The following RGS5 variants were observed in gnomAD, a reference collection of about 807,000 sequenced individuals.
The protein encoded by RGS5 is regulator of G protein signaling 5.
RGS5 carries 20 observed loss-of-function variants against 18.9 expected under a neutral mutation model. The observed-to-expected ratio is 1.06, with a 90% CI of 0.74 to 1.54. The LOEUF is 1.54. Ranked by LOEUF, RGS5 falls within the 40% of genes most tolerant of loss-of-function variation. The pLI is 0.00. For missense variants in RGS5, 201 were observed against 211.8 expected (o/e 0.95, Z 0.32); for synonymous variants, 57 against 76.2 (o/e 0.75, Z 1.31).
chr1:163,209,721 A>G (rs930037016), intron 1 of RGS5, among the ~76,000 whole-genome samples: 3 of 152,144 alleles, frequency 2.0e-5, no homozygotes, highest in Non-Finnish European at 4.4e-5. Context: ...GAATTATATT[A>G]TTGTTCAAGT....
At position 163,143,510 on chromosome 1, in the gene RGS5, C is replaced by T. The variant is rs1420476676; in HGVS notation, c.*3832G>A. ...TTTTACATCTAGCTGCATTGCAAGT[C>T]AGAAAATACCTTCCTGCAAATATGG... On this transcript the variant is annotated 3_prime_UTR_variant, in exon 5 of 5. Transcript: ENST00000313961. 3.9e-5 allele frequency: 6 copies of T among 152,140 alleles called. No individual in the cohort carries two copies. Among genetic ancestry groups the T allele is most frequent in the African/African-American group, 1.4e-4 (6 of 41,442 alleles). 9.4% of individuals were successfully genotyped at this position (152,140 alleles called of 1,614,324 possible).
At position 163,165,119 on chromosome 1, in the gene RGS5, T is replaced by C. The variant is rs544293244; in HGVS notation, c.155+3139A>G. Among the ~76,000 whole-genome samples the C allele has an allele frequency of 2.3e-4, 35 of 152,304 alleles. 1 individual carries two copies. The highest frequency in any genetic ancestry group is 3.4e-3 in the Middle Eastern group (1 of 294). On this transcript the variant is annotated intron_variant, in intron 2 of 4. Coordinates refer to ENST00000313961, the MANE Select transcript of RGS5 (RefSeq NM_003617.4). The stretch of plus-strand genomic sequence containing the variant: ...TAAGAACAAGCAAAACATGTCATTT[T>C]TTGACATCCATATGCGGGCCTGAAA...
intron 1 of RGS5, among the ~76,000 whole-genome samples, chr1:163,192,006 G>A (rs1659377506): frequency 1.3e-5 from 2 of 152,150 alleles, no homozygotes; most frequent in Admixed American, 1.3e-4. Flanking sequence ...TGGTGTGCCT[G>A]AAGAAGTCAC....
rs898828976 is a variant in RGS5, at chr1:163,306,891, A to C, written c.-377-562T>G. ...TCCTCACAGCCCTCAGAAGGCATCA[A>C]CCTTGCTGATATCTTAATCTAGTAC... On this transcript the variant is annotated intron_variant, in intron 1 of 5. Coordinates refer to the RGS5 transcript ENST00000618415. 3.9e-5 allele frequency among the ~76,000 whole-genome samples: 6 copies of C among 152,192 alleles called. No individual in the cohort carries two copies. In the East Asian group the frequency reaches 1.2e-3, roughly 29 times the overall value.
chr1:163,149,919 A>G (rs1261766871), intron 4 of RGS5, among the ~76,000 whole-genome samples: 1 of 152,222 alleles, frequency 6.6e-6, no homozygotes, highest in Non-Finnish European at 1.5e-5. Context: ...ACATACATAT[A>G]CACAAGATGG....
intron 1 of RGS5, among the ~76,000 whole-genome samples, chr1:163,199,208 G>C (rs1659684068): frequency 6.6e-6 from 1 of 152,102 alleles, no homozygotes; most frequent in Non-Finnish European, 1.5e-5. Flanking sequence ...GTTTCAATAT[G>C]CCAGAGGGTA....
chr1:163,274,843 A>G (rs1386594353), intron 2 of RGS5, among the ~76,000 whole-genome samples: 1 of 152,194 alleles, frequency 6.6e-6, no homozygotes, highest in Non-Finnish European at 1.5e-5. Flanking sequence ...TATCACTTAC[A>G]AGGTGGGTCA....
At chr1:163,282,066 C>G (rs1649007929) in intron 2 of RGS5, among the ~76,000 whole-genome samples, 1 of 150,532 alleles carries the variant, frequency 6.6e-6, no homozygotes, top group Non-Finnish European at 1.5e-5. Flanking sequence ...CACACACACA[C>G]AAACAAAAAT....
At chr1:163,190,797 GT>G (rs1659313462) in intron 1 of RGS5, among the ~76,000 whole-genome samples, 1 of 152,196 alleles carries the variant, frequency 6.6e-6, no homozygotes, top group African/African-American at 2.4e-5. Flanking sequence ...CTGTGTTTCA[GT>G]TTTTACTGAC....
chr1:163,299,153 T>G (rs954894892), intron 2 of RGS5, among the ~76,000 whole-genome samples: 1 of 152,192 alleles, frequency 6.6e-6, no homozygotes, highest in African/African-American at 2.4e-5. Context: ...AAGTATGCAG[T>G]GCAGTTTTAC....
chr1:163,219,544 T>G (rs1660291422), upstream of RGS5, among the ~76,000 whole-genome samples: 1 of 152,148 alleles, frequency 6.6e-6, no homozygotes, highest in South Asian at 2.1e-4. Context: ...TGGTAATATA[T>G]AATATGTCTC....
At chr1:163,164,504 A>G (rs943853541) in intron 2 of RGS5, among the ~76,000 whole-genome samples, 25 of 152,152 alleles carry the variant, frequency 1.6e-4, no homozygotes, top group African/African-American at 6.0e-4. Context: ...ACTTTTACTC[A>G]CTGAATCTCT....
chr1:163,210,987 T>A (rs1435691342), intron 1 of RGS5: 2 of 152,184 alleles, frequency 1.3e-5, no homozygotes, highest in Non-Finnish European at 2.9e-5. Context: ...GGATTATGCA[T>A]ATGGAAGACT....
At chr1:163,284,438 G>A (rs924098677) in intron 2 of RGS5, among the ~76,000 whole-genome samples, 6 of 152,126 alleles carry the variant, frequency 3.9e-5, no homozygotes, top group African/African-American at 1.4e-4. Flanking sequence ...CAGTTTCACA[G>A]TGCAGACACT....
chr1:163,154,653 G>T (rs1657514268), intron 3 of RGS5, among the ~76,000 whole-genome samples: 1 of 151,598 alleles, frequency 6.6e-6, no homozygotes, highest in Non-Finnish European at 1.5e-5. Context: ...ACCTGTAACT[G>T]GATAAAATCA....
chr1:163,227,329 A>C (rs1271834715), intron 2 of RGS5, among the ~76,000 whole-genome samples: 3 of 152,232 alleles, frequency 2.0e-5, no homozygotes, highest in East Asian at 3.8e-4. Context: ...AGGCATCAGG[A>C]AACTTATAAT....
At chr1:163,174,950 A>T (rs551900410) in intron 1 of RGS5, among the ~76,000 whole-genome samples, 2 of 152,328 alleles carry the variant, frequency 1.3e-5, no homozygotes, top group East Asian at 3.9e-4. Flanking sequence ...GGATAATCCA[A>T]TTTAAATTCA....
In RGS5 at chr1:163,265,038, C is replaced by T. The variant is rs558492623; in HGVS notation, c.-281+41195G>A. 7.2e-5 allele frequency among the ~76,000 whole-genome samples: 11 copies of T among 152,202 alleles called. 1 individual carries two copies. The South Asian group carries it at 2.1e-3, about 29-fold the overall frequency. The stretch of plus-strand genomic sequence containing the variant: ...TATTACATACTTGTGTATATTACTG[C>T]CCCTAGAAATTTGTGGACTCCAACT... On this transcript the variant is annotated intron_variant, in intron 2 of 5. Coordinates refer to the RGS5 transcript ENST00000618415.
rs188162313 is a variant in RGS5 at position 163,291,839 on chromosome 1, C to T, written c.-281+14394G>A. On this transcript the variant is annotated intron_variant, in intron 2 of 5. Transcript: ENST00000618415. ...TTGATTTGAGTAATAACTCCATTTCCTGAGCGGTGTGGCCAGACTTGTGTT... is the reference window on the plus strand; with the variant it reads ...TTGATTTGAGTAATAACTCCATTTCTTGAGCGGTGTGGCCAGACTTGTGTT... Among the ~76,000 whole-genome samples the T allele has an allele frequency of 9.2e-5, 14 of 152,232 alleles. No homozygotes were observed. In the East Asian group the frequency reaches 2.7e-3, roughly 29 times the overall value.
Sources: allele counts gnomAD v4.1 joint callset (sites outside exome capture counted in the v4.1 genomes callset), GRCh38; gene constraint gnomAD v4.1.1; transcripts MANE v1.5; gene names NCBI Gene and HGNC (gene_info 2026-07-23, HGNC 2026-07-21).